Variants in NAALADL2 observed in about 807,000 individuals in gnomAD.
The protein encoded by NAALADL2 is inactive N-acetylated-alpha-linked acidic dipeptidase-like protein 2.
NAALADL2 carries 76 observed loss-of-function variants against 87.2 expected under a neutral mutation model. The ratio of observed to expected loss-of-function variants is 0.87; its 90% confidence interval spans 0.72 to 1.05. The LOEUF is 1.05. Ranked by LOEUF, NAALADL2 falls within the 50% of genes least tolerant of loss-of-function variation. NAALADL2 has a pLI of 0.00. For missense variants in NAALADL2, 1,089 were observed against 945.8 expected (o/e 1.15, Z -1.99); for synonymous variants, 354 against 331.0 (o/e 1.07, Z -0.75).
chr3:175,591,784 GTATATATATATATATATATATATATATA>G (rs57196350), intron 10 of NAALADL2, among the ~76,000 whole-genome samples: 4 of 137,056 alleles, frequency 2.9e-5, no homozygotes, highest in African/African-American at 8.3e-5. Flanking sequence ...GTGTGTGTGT[GTATATATATATATATATATATATATATA>G]TATATATATA....
At chr3:175,459,996 A>T in intron 6 of NAALADL2, 1 of 321,182 alleles carries the variant, frequency 3.1e-6, no homozygotes, top group South Asian at 2.5e-5. Context: ...TCTCTAAGTC[A>T]TTTCCCTGTT....
At chr3:175,224,452 AATATGT>A (rs1218308306) in intron 2 of NAALADL2, among the ~76,000 whole-genome samples, 1 of 152,154 alleles carries the variant, frequency 6.6e-6, no homozygotes, top group African/African-American at 2.4e-5. Context: ...AGAATGTGTT[AATATGT>A]ATAAGATCAT....
intron 2 of NAALADL2, among the ~76,000 whole-genome samples, chr3:175,118,892 T>G (rs1229121608): frequency 6.6e-6 from 1 of 151,758 alleles, no homozygotes; most frequent in Non-Finnish European, 1.5e-5. Context: ...TTGCAAAGTA[T>G]GTTGTTAATA....
chr3:174,735,071 T>C (rs1733064462), intron 2 of NAALADL2, among the ~76,000 whole-genome samples: 2 of 152,214 alleles, frequency 1.3e-5, no homozygotes, highest in South Asian at 2.1e-4. Context: ...GAACACTTTA[T>C]AGCTTTCAAG....
intron 10 of NAALADL2, among the ~76,000 whole-genome samples, chr3:175,614,909 G>A (rs1279789508): frequency 6.6e-6 from 1 of 152,120 alleles, no homozygotes; most frequent in African/African-American, 2.4e-5. Flanking sequence ...TAGGACAAAT[G>A]AAATGAATCA....
At chr3:174,462,352 A>T (rs1382632774) in intron 1 of NAALADL2, among the ~76,000 whole-genome samples, 1 of 152,184 alleles carries the variant, frequency 6.6e-6, no homozygotes, top group African/African-American at 2.4e-5. Flanking sequence ...ATCAGAATAC[A>T]TAACCATTAG....
At chr3:174,470,710 G>T (rs1434115018) in intron 1 of NAALADL2, among the ~76,000 whole-genome samples, 1 of 152,024 alleles carries the variant, frequency 6.6e-6, no homozygotes, top group African/African-American at 2.4e-5. Flanking sequence ...TCCCATCACC[G>T]TTTATTGAAT....
At chr3:175,114,206 G>A (rs549090769) in intron 2 of NAALADL2, among the ~76,000 whole-genome samples, 1 of 151,616 alleles carries the variant, frequency 6.6e-6, no homozygotes, top group East Asian at 1.9e-4. Flanking sequence ...ACTAATGCAG[G>A]TATAGACAAA....
At chr3:175,653,383 T>C (rs186588580) in intron 11 of NAALADL2, among the ~76,000 whole-genome samples, 1 of 152,318 alleles carries the variant, frequency 6.6e-6, no homozygotes, top group East Asian at 1.9e-4. Flanking sequence ...ACTAAAACCC[T>C]ACTGCTAGAT....
chr3:174,741,342 G>A (rs1733740060), intron 3 of NAALADL2, among the ~76,000 whole-genome samples: 1 of 151,600 alleles, frequency 6.6e-6, no homozygotes, highest in Admixed American at 6.6e-5. Context: ...TGTTTAAAAT[G>A]CATTTTGATA....
intron 5 of NAALADL2, among the ~76,000 whole-genome samples, chr3:175,335,086 G>A (rs1347803588): frequency 1.3e-5 from 2 of 152,068 alleles, no homozygotes. Flanking sequence ...GACAGGATGG[G>A]GCATCACAGT....
intron 3 of NAALADL2, among the ~76,000 whole-genome samples, chr3:174,816,277 G>A (rs1345768441): frequency 6.6e-6 from 1 of 150,914 alleles, no homozygotes; most frequent in African/African-American, 2.4e-5. Flanking sequence ...TATATACAGA[G>A]AGAGAGAACA....
chr3:175,634,553 T>C (rs1023566498), intron 11 of NAALADL2, among the ~76,000 whole-genome samples: 3 of 151,896 alleles, frequency 2.0e-5, no homozygotes, highest in African/African-American at 7.2e-5. Context: ...AGATTCCAAA[T>C]ACCTTTTATT....
At chr3:174,679,592 G>T (rs1456785633) in intron 2 of NAALADL2, among the ~76,000 whole-genome samples, 1 of 152,056 alleles carries the variant, frequency 6.6e-6, no homozygotes, top group Non-Finnish European at 1.5e-5. Flanking sequence ...AGAAACCTCT[G>T]TGGCCAGTGG....
At chr3:175,190,212 C>G (rs1357888322) in intron 2 of NAALADL2, among the ~76,000 whole-genome samples, 1 of 151,668 alleles carries the variant, frequency 6.6e-6, no homozygotes, top group Non-Finnish European at 1.5e-5. Flanking sequence ...TTAAATAGTA[C>G]TACATCAAAG....
At chr3:174,859,322 CA>C, upstream of NAALADL2, 10 of 943,786 alleles carry the variant, frequency 1.1e-5, no homozygotes, top group Non-Finnish European at 1.5e-5. Flanking sequence ...TACAATACTA[CA>C]GTAGAAAGTC....
intron 2 of NAALADL2, among the ~76,000 whole-genome samples, chr3:175,148,864 G>A (rs1399084184): frequency 6.6e-6 from 1 of 152,152 alleles, no homozygotes; most frequent in African/African-American, 2.4e-5. Flanking sequence ...ATAGTTTGAA[G>A]TCAGGTAACG....
intron 13 of NAALADL2, among the ~76,000 whole-genome samples, chr3:175,774,418 T>C (rs2150189008): frequency 6.6e-6 from 1 of 152,108 alleles, no homozygotes. Context: ...AAAGAAAAAG[T>C]TAAACAAAAA....
intron 1 of NAALADL2, among the ~76,000 whole-genome samples, chr3:174,531,636 A>C (rs1721251736): frequency 6.6e-6 from 1 of 152,156 alleles, no homozygotes; most frequent in African/African-American, 2.4e-5. Flanking sequence ...AAAAATCAGA[A>C]ATGAAAGAAG....
Sources: allele counts gnomAD v4.1 joint callset (sites outside exome capture counted in the v4.1 genomes callset), GRCh38; gene constraint gnomAD v4.1.1; transcripts MANE v1.5; gene names NCBI Gene and HGNC (gene_info 2026-07-23, HGNC 2026-07-21).